RAF1: variants seen among roughly 807,000 people sequenced by gnomAD.
RAF1 encodes RAF proto-oncogene serine/threonine-protein kinase.
A neutral mutation model predicts 81.1 loss-of-function variants in RAF1; 27 were observed. The ratio of observed to expected loss-of-function variants is 0.33; its 90% CI spans 0.25 to 0.46. RAF1 has a LOEUF of 0.46. Among genes scored for constraint, RAF1 ranks in the 20% least tolerant of loss-of-function variants. The probability of loss-of-function intolerance (pLI) is 1.00; values close to 1 mark genes in which losing one functional copy is unlikely to be tolerated. For synonymous variants in RAF1, 298 were observed against 294.0 expected (o/e 1.01, Z -0.14); for missense variants, 598 against 826.0 (o/e 0.72, Z 3.38).
chr3:12,633,352 G>A (rs1250217863), intron 1 of RAF1, among the ~76,000 whole-genome samples: 2 of 151,598 alleles, frequency 1.3e-5, no homozygotes, highest in Non-Finnish European at 2.9e-5. Flanking sequence ...ACACAGTGGC[G>A]AACGCCTGTA....
intron 1 of RAF1, among the ~76,000 whole-genome samples, chr3:12,629,997 G>A (rs1475376607): frequency 2.0e-5 from 3 of 152,182 alleles, no homozygotes; most frequent in Non-Finnish European, 4.4e-5. Flanking sequence ...GCCCAGGCTG[G>A]TGTTGAACTC....
chr3:12,585,374 T>C (rs954042974), intron 15 of RAF1, 121 bp from the exon 15 acceptor site: 13 of 1,551,382 alleles, frequency 8.4e-6, no homozygotes, highest in African/African-American at 2.7e-5. Context: ...AGTCCCCACA[T>C]AGCTTTTCCC....
intron 1 of RAF1, among the ~76,000 whole-genome samples, chr3:12,635,628 C>T (rs2059998676): frequency 2.6e-5 from 2 of 77,080 alleles, no homozygotes; most frequent in South Asian, 1.1e-3. Flanking sequence ...AAGAGTGAAA[C>T]TCCAGCTCCA....
At chr3:12,590,703 G>T in intron 13 of RAF1, 95 bp downstream of exon 12, 1 of 1,359,154 alleles carries the variant, frequency 7.4e-7, no homozygotes. Flanking sequence ...TCACAGAATC[G>T]CTTAATGGAC....
chr3:12,608,947 A>G, intron 4 of RAF1, 24 bp from the exon 5 acceptor site: 1 of 1,613,734 alleles, frequency 6.2e-7, no homozygotes, highest in Non-Finnish European at 8.5e-7. Flanking sequence ...ACAGGTGTAA[A>G]TTATGCTGAA....
chr3:12,642,743 G>A (rs1457720095), intron 1 of RAF1, among the ~76,000 whole-genome samples: 1 of 149,764 alleles, frequency 6.7e-6, no homozygotes, highest in Non-Finnish European at 1.5e-5. Flanking sequence ...ATGGTGGCAT[G>A]GGCCTGTAGT....
chr3:12,590,750 A>C (rs1024096175), intron 13 of RAF1, 48 bp downstream of exon 12: 2 of 1,555,792 alleles, frequency 1.3e-6, no homozygotes, highest in Non-Finnish European at 1.8e-6. Flanking sequence ...CAATTTAGGG[A>C]CAAATTTGAT....
intron 1 of RAF1, among the ~76,000 whole-genome samples, chr3:12,635,759 G>A (rs1384348509): frequency 6.7e-6 from 1 of 149,772 alleles, no homozygotes. Context: ...GGATCACAAG[G>A]TCAGGAGATT....
intron 1 of RAF1, among the ~76,000 whole-genome samples, chr3:12,662,234 C>T (rs1191649723): frequency 6.7e-6 from 1 of 149,156 alleles, no homozygotes; most frequent in Non-Finnish European, 1.5e-5. Context: ...ACTCAGGAGG[C>T]AAAGGCAGGA....
chr3:12,636,462 T>G, intron 1 of RAF1, among the ~76,000 whole-genome samples: 3 of 143,364 alleles, frequency 2.1e-5, no homozygotes, highest in Non-Finnish European at 3.0e-5. Context: ...AAAAACTGAT[T>G]GATTACATTA....
At chr3:12,640,478 G>C (rs1458616328) in intron 1 of RAF1, among the ~76,000 whole-genome samples, 1 of 152,082 alleles carries the variant, frequency 6.6e-6, no homozygotes, top group Non-Finnish European at 1.5e-5. Flanking sequence ...ATCTGACAAA[G>C]GGCTAATATC....
At chr3:12,587,561 A>C (rs1470287179) in intron 14 of RAF1, 30 bp downstream of exon 13, 4 of 1,583,504 alleles carry the variant, frequency 2.5e-6, no homozygotes, top group Non-Finnish European at 3.5e-6. Flanking sequence ...AGAACCGAGC[A>C]GTCAAATGAA....
intron 5 of RAF1, among the ~76,000 whole-genome samples, chr3:12,606,548 T>A (rs898543940): frequency 2.6e-5 from 4 of 152,118 alleles, no homozygotes; most frequent in Admixed American, 2.6e-4. Flanking sequence ...TTTTTCTTTT[T>A]CTTTTTTTTT....
intron 14 of RAF1, chr3:12,586,037 C>T (rs1438570715): frequency 2.0e-6 from 1 of 497,704 alleles, no homozygotes; most frequent in East Asian, 3.7e-5. Context: ...AAAAGCAAGC[C>T]AGCGTTTCTT....
intron 1 of RAF1, among the ~76,000 whole-genome samples, chr3:12,638,698 A>G (rs925886944): frequency 1.3e-5 from 2 of 152,148 alleles, no homozygotes; most frequent in African/African-American, 2.4e-5. Flanking sequence ...TTAAATGTAC[A>G]CTGCTGAAAA....
intron 1 of RAF1, among the ~76,000 whole-genome samples, chr3:12,619,371 C>A (rs2125456180): frequency 6.6e-6 from 1 of 152,032 alleles, no homozygotes; most frequent in East Asian, 2.0e-4. Flanking sequence ...CAAGACCAGC[C>A]TGGCTAACAT....
chr3:12,631,472 G>A (rs368328238), intron 1 of RAF1, among the ~76,000 whole-genome samples: 5 of 152,186 alleles, frequency 3.3e-5, no homozygotes, highest in East Asian at 3.9e-4. Flanking sequence ...GGTGGCGGGC[G>A]CCTGTAGCCC....
intron 1 of RAF1, among the ~76,000 whole-genome samples, chr3:12,639,350 T>C (rs990111421): frequency 2.6e-5 from 4 of 152,108 alleles, no homozygotes; most frequent in East Asian, 1.9e-4. Context: ...CTATTTAACA[T>C]AGTGTCGGAA....
chr3:12,603,745 C>T (rs1488167372), intron 7 of RAF1, among the ~76,000 whole-genome samples: 2 of 152,182 alleles, frequency 1.3e-5, no homozygotes, highest in Non-Finnish European at 2.9e-5. Flanking sequence ...CCTAGGACTC[C>T]ACCCTTTTAT....
Sources: gnomAD v4.1 joint callset for allele counts (sites outside exome capture counted in the v4.1 genomes callset) on GRCh38, gnomAD v4.1.1 for gene constraint, MANE v1.5 for transcripts, NCBI Gene and HGNC (gene_info 2026-07-23, HGNC 2026-07-21) for gene names.